ARMC2: variants seen among roughly 807,000 people sequenced by gnomAD.
ARMC2 encodes the protein armadillo repeat containing 2.
In ARMC2, 67 loss-of-function variants were observed where a neutral mutation model predicts 90.3. The observed-to-expected ratio is 0.74, with a 90% CI of 0.61 to 0.91. ARMC2 has a LOEUF of 0.91. Among genes scored for constraint, ARMC2 ranks in the 40% least tolerant of loss-of-function variants. The pLI is 0.00. For synonymous variants in ARMC2, 393 were observed against 393.0 expected, an observed-to-expected ratio of 1.00 and a Z score of 0.00; for missense variants, 920 against 1,030.9, an observed-to-expected ratio of 0.89 and a Z score of 1.47.
the ARMC2 span, among the ~76,000 whole-genome samples, chr6:109,041,657 T>C: frequency 2.0e-5 from 3 of 151,758 alleles, no homozygotes; most frequent in Admixed American, 2.0e-4. Context: ...TATATAGCAA[T>C]ACCCAAATGT....
Position 108,964,220 on chromosome 6 carries a change from G to C in ARMC2, c.2193G>C (p.Gln731His). The C allele has an allele frequency of 6.2e-7, 1 of 1,613,986 alleles. No homozygotes were observed. The highest frequency in any genetic ancestry group is 8.5e-7 in the Non-Finnish European group (1 of 1,179,872). The change falls in exon 16 of 18, where the codon CAG (glutamine) becomes CAC (histidine). Residue 731 changes from glutamine (Q) to histidine (H), a missense_variant. By Grantham distance (24) the Gln-to-His change is conservative. Coordinates refer to ENST00000392644, the MANE Select transcript of ARMC2 (RefSeq NM_032131.6). ...FMMALLDAQH[Q>H]DICFSACGVL... ...TGGCGCTGCTGGATGCTCAGCATCA[G>C]GATATCTGCTTTTCTGCCTGTGGTG... is the stretch of plus-strand genomic sequence containing the variant.
At chr6:108,864,238 A>G (rs1351808097) in intron 3 of ARMC2, among the ~76,000 whole-genome samples, 1 of 134,996 alleles carries the variant, frequency 7.4e-6, no homozygotes, top group Admixed American at 8.3e-5. Flanking sequence ...TGCTTGTGTG[A>G]TTTTTTTTTC....
the ARMC2 span, among the ~76,000 whole-genome samples, chr6:109,004,430 C>T: frequency 1.3e-5 from 2 of 151,750 alleles, no homozygotes; most frequent in African/African-American, 4.8e-5. Context: ...ACGAAAATCC[C>T]CAACAATCTT....
At chr6:108,926,297 A>G (rs989105752) in intron 10 of ARMC2, among the ~76,000 whole-genome samples, 2 of 152,200 alleles carry the variant, frequency 1.3e-5, no homozygotes, top group African/African-American at 2.4e-5. Flanking sequence ...GCATCCTCTG[A>G]ATTAATGTAA....
At chr6:109,051,163 C>CAA in the ARMC2 span, among the ~76,000 whole-genome samples, 6 of 150,388 alleles carry the variant, frequency 4.0e-5, no homozygotes, top group South Asian at 4.2e-4. Context: ...AAAAAAACAA[C>CAA]AAAAAAAAAC....
chr6:108,879,997 A>G (rs980445552), intron 5 of ARMC2: 1 of 451,996 alleles, frequency 2.2e-6, no homozygotes, highest in Admixed American at 2.7e-5. Context: ...GAGTGCTCTT[A>G]GTATTGTTGG....
intron 5 of ARMC2, among the ~76,000 whole-genome samples, chr6:108,889,280 G>A (rs1770699237): frequency 6.6e-6 from 1 of 151,966 alleles, no homozygotes; most frequent in Admixed American, 6.6e-5. Context: ...TGAGTAGCTG[G>A]AATTACAGGC....
At chr6:108,991,066 CAAA>C in the ARMC2 span, among the ~76,000 whole-genome samples, 7 of 141,460 alleles carry the variant, frequency 4.9e-5, no homozygotes, top group Non-Finnish European at 7.7e-5. Flanking sequence ...AGTCTCATCT[CAAA>C]AAAAAACAAC....
intron 13 of ARMC2, among the ~76,000 whole-genome samples, chr6:108,954,769 C>T (rs1777443767): frequency 1.3e-5 from 2 of 152,222 alleles, no homozygotes; most frequent in Admixed American, 6.5e-5. Context: ...AACTCAAGAG[C>T]CATTTCCTAA....
At position 108,945,560 on chromosome 6, in the gene ARMC2, T is replaced by C. The variant is rs192404238; in HGVS notation, c.1597-7473T>C. Reference sequence around the variant, plus strand: ...GCAGCAGGACTGTCGTCAGAGCCTTTGCAAACCCTGGGAACTGCCAGACTC... The same window carrying C: ...GCAGCAGGACTGTCGTCAGAGCCTTCGCAAACCCTGGGAACTGCCAGACTC... On this transcript the variant is annotated intron_variant, in intron 12 of 17. Transcript: ENST00000392644. Among the ~76,000 whole-genome samples, 3 of 152,372 alleles carry C rather than the reference T, an allele frequency of 2.0e-5. No individual in the cohort carries two copies. The East Asian group carries it at 5.8e-4, about 29-fold the overall frequency.
intron 11 of ARMC2, among the ~76,000 whole-genome samples, chr6:108,935,020 A>G (rs1775845116): frequency 6.6e-6 from 1 of 151,936 alleles, no homozygotes; most frequent in African/African-American, 2.4e-5. Context: ...AGAGAAGTTT[A>G]GTTATTTTCC....
intron 5 of ARMC2, among the ~76,000 whole-genome samples, chr6:108,883,277 C>G (rs1777770737): frequency 6.6e-6 from 1 of 152,182 alleles, no homozygotes; most frequent in East Asian, 1.9e-4. Flanking sequence ...TAGACACTTT[C>G]AATATGAATG....
At chr6:108,866,169 T>G (rs1459783868) in intron 3 of ARMC2, among the ~76,000 whole-genome samples, 1 of 152,176 alleles carries the variant, frequency 6.6e-6, no homozygotes, top group Non-Finnish European at 1.5e-5. Flanking sequence ...ACATTTTGAG[T>G]TAAGAAAACC....
chr6:108,990,704 A>C, the ARMC2 span: 6 of 1,614,168 alleles, frequency 3.7e-6, no homozygotes, highest in Non-Finnish European at 5.1e-6. Flanking sequence ...TTGAGGTATC[A>C]ACATCTTTGT....
chr6:108,893,300 A>G (rs1771278598), intron 5 of ARMC2, among the ~76,000 whole-genome samples: 2 of 152,208 alleles, frequency 1.3e-5, no homozygotes. Context: ...AAATATTGTC[A>G]GAGAATATTA....
At chr6:108,946,499 T>G (rs1776822221) in intron 12 of ARMC2, among the ~76,000 whole-genome samples, 1 of 152,188 alleles carries the variant, frequency 6.6e-6, no homozygotes, top group Admixed American at 6.5e-5. Flanking sequence ...TGTCTTCCAG[T>G]TTGCTAAAAT....
At chr6:109,016,410 T>C in the ARMC2 span, among the ~76,000 whole-genome samples, 1 of 152,202 alleles carries the variant, frequency 6.6e-6, no homozygotes, top group Non-Finnish European at 1.5e-5. Flanking sequence ...AATCTTTAGT[T>C]GTAGGTCCTA....
chr6:109,000,666 G>A, the ARMC2 span: 1 of 1,577,774 alleles, frequency 6.3e-7, no homozygotes, highest in Non-Finnish European at 8.6e-7. Flanking sequence ...CTGATGTCTT[G>A]CCGCAGCCTT....
intron 13 of ARMC2, among the ~76,000 whole-genome samples, chr6:108,957,990 A>ATGTGT (rs2128508637): frequency 6.6e-6 from 1 of 152,206 alleles, no homozygotes; most frequent in East Asian, 1.9e-4. Context: ...CTGGATTTAG[A>ATGTGT]TGTGTGCTCT....
Sources: allele counts gnomAD v4.1 joint callset (sites outside exome capture counted in the v4.1 genomes callset), GRCh38; gene constraint gnomAD v4.1.1; transcripts MANE v1.5; gene names NCBI Gene and HGNC (gene_info 2026-07-23, HGNC 2026-07-21).